Variants in FAIM2 observed in about 807,000 individuals in gnomAD.
The protein encoded by FAIM2 is protein lifeguard 2.
FAIM2 carries 27 observed loss-of-function variants against 47.4 expected under a neutral mutation model. The ratio of observed to expected loss-of-function variants is 0.57; its 90% CI spans 0.42 to 0.78. The LOEUF is 0.78. FAIM2 is among the 30% of genes least tolerant of loss of function. FAIM2 has a pLI of 0.00. For synonymous variants in FAIM2, 156 were observed against 159.3 expected (o/e 0.98, Z 0.16); for missense variants, 311 against 389.4 (o/e 0.80, Z 1.69).
chr12:49,892,530 T>G lies in FAIM2; in HGVS notation c.435-1416A>C, dbSNP rs921089296. ...ACAGGACCTTATTGAGTGCAGTGGA[T>G]GCTTGTCAGTCCTTATCTTGCCTGG... is the stretch of plus-strand genomic sequence containing the variant. On this transcript the variant is annotated intron_variant, in intron 5 of 11. Transcript: ENST00000320634. 2.6e-5 allele frequency among the ~76,000 whole-genome samples: 4 copies of G among 152,196 alleles called. No individual in the cohort carries two copies. In the East Asian group the frequency reaches 5.8e-4, roughly 22 times the overall value.
Position 49,897,509 on chromosome 12 carries a change from G to A in FAIM2, c.380+10C>T, listed in dbSNP as rs1343448882. ...TCCCTGGAAGGTGCTGGTCCATGCT[G>A]CCAACTCACCAGAAAGTAAAGAGAG... On this transcript the variant is annotated intron_variant, in intron 4 of 11. Coordinates refer to ENST00000320634, the MANE Select transcript of FAIM2 (RefSeq NM_012306.4). The A allele has an allele frequency of 1.9e-6, 3 of 1,613,358 alleles. No homozygotes were observed. The highest frequency in any genetic ancestry group is 2.2e-5 in the South Asian group (2 of 91,066).
Position 49,897,021 on chromosome 12 carries a change from A to G in FAIM2, c.434+10T>C. The G allele has an allele frequency of 1.2e-6, 2 of 1,608,122 alleles. No homozygotes were observed. Among genetic ancestry groups the G allele is most frequent in the Non-Finnish European group, 1.7e-6 (2 of 1,174,556 alleles). On this transcript the variant is annotated intron_variant, in intron 5 of 11. Transcript: ENST00000320634. ...CTCTGGAAGGGGACTGGGGACTGAG[A>G]TATACTCACTAGGATGCCCAGTACC...
intron 11 of FAIM2, among the ~76,000 whole-genome samples, chr12:49,885,640 C>T (rs1305004244): frequency 6.6e-6 from 1 of 152,136 alleles, no homozygotes; most frequent in African/African-American, 2.4e-5. Flanking sequence ...CCTAGGTAGC[C>T]TGGGGTAAGC....
chr12:49,893,306 G>A (rs775696934), intron 5 of FAIM2, among the ~76,000 whole-genome samples: 4 of 151,412 alleles, frequency 2.6e-5, no homozygotes, highest in Non-Finnish European at 5.9e-5. Context: ...CCCTGGAAAC[G>A]TGCCTGCCAC....
Position 49,870,425 on chromosome 12 carries a change from G to A in FAIM2, c.*79C>T, listed in dbSNP as rs1946693585. 3 of 1,343,260 alleles carry A rather than the reference G, an allele frequency of 2.2e-6. No homozygotes were observed. Among genetic ancestry groups the A allele is most frequent in the Non-Finnish European group, 3.1e-6 (3 of 953,302 alleles). The allele number at this position is 1,343,260 out of a possible 1,614,324, so 83.2% of individuals were successfully genotyped here. ...GGGTTGGCAGCTAGTTTTATATCTG[G>A]TCTCGCAGGAGCGCAGGGGAGGGAC... On this transcript the variant is annotated 3_prime_UTR_variant, in exon 12 of 12. Transcript: ENST00000320634.
At chr12:49,887,009 C>A (rs1336046675) in intron 11 of FAIM2, among the ~76,000 whole-genome samples, 1 of 152,170 alleles carries the variant, frequency 6.6e-6, no homozygotes, top group Non-Finnish European at 1.5e-5. Context: ...CTCCAAGAAG[C>A]CTTCCCTGAT....
At position 49,878,747 on chromosome 12, in the gene FAIM2, CAT is replaced by C. The variant is rs560491366; in HGVS notation, c.802-8096_802-8095del. ...GTCTGTGTGCATGTGAGTGTATATG[CAT>C]ATGTGTATATATTTATTTGTGTGCA... On this transcript the variant is annotated intron_variant, in intron 11 of 11. Transcript: ENST00000320634. Among the ~76,000 whole-genome samples the C allele has an allele frequency of 5.1e-3, 544 of 106,674 alleles. 29 individuals are homozygous for C. Among genetic ancestry groups the C allele is most frequent in the African/African-American group, 6.8e-3 (160 of 23,702 alleles). 70.0% of individuals were successfully genotyped at this position (106,674 alleles called of 152,430 possible). A position where few individuals can be genotyped will look rare whatever the true frequency, so the allele number is the denominator to read the frequency against.
intron 11 of FAIM2, among the ~76,000 whole-genome samples, chr12:49,879,061 T>C (rs1946774787): frequency 7.4e-6 from 1 of 134,780 alleles, no homozygotes; most frequent in African/African-American, 2.9e-5. Flanking sequence ...TATGTGCATG[T>C]ATGTATATGT....
intron 3 of FAIM2, 96 bp downstream of exon 3, chr12:49,897,891 G>A (rs1221419305): frequency 2.2e-6 from 2 of 930,008 alleles, no homozygotes; most frequent in African/African-American, 3.2e-5. Context: ...GAAGGGGGCA[G>A]GGATGGCTTC....
chr12:49,870,255 G>T lies in FAIM2; in HGVS notation c.*249C>A. On this transcript the variant is annotated 3_prime_UTR_variant, in exon 12 of 12. Coordinates refer to ENST00000320634, the MANE Select transcript of FAIM2 (RefSeq NM_012306.4). Reference sequence around the variant, plus strand: ...CAAACCCAGAGGAGCCTTCAGCCTTGACCGTCCCAGTTTGGAAGATGTAAC... The same window carrying T: ...CAAACCCAGAGGAGCCTTCAGCCTTTACCGTCCCAGTTTGGAAGATGTAAC... 2.4e-6 allele frequency: 1 copy of T among 409,548 alleles called. No individual in the cohort carries two copies. The allele number at this position is 409,548 out of a possible 1,614,324, so 25.4% of individuals were successfully genotyped here.
chr12:49,901,248 C>T lies in FAIM2; in HGVS notation c.93G>A (p.Val31=). The T allele has an allele frequency of 6.2e-7, 1 of 1,611,092 alleles. No homozygotes were observed. Among genetic ancestry groups the T allele is most frequent in the Non-Finnish European group, 8.5e-7 (1 of 1,178,826 alleles). Residue 31 remains valine (V), a synonymous_variant, in exon 2 of 12, where the codon GTG becomes GTA. Coordinates refer to ENST00000320634, the MANE Select transcript of FAIM2 (RefSeq NM_012306.4). ...CCTCATAGGAGGGTGGGGCTGAGGG[C>T]ACTGCTGGAGCCTCCTTCTTCTCGC... The part of the protein sequence containing the change: ...VHGEKKEAPA[V]PSAPPSYEEA...
chr12:49,887,357 A>G (rs1383151412), intron 11 of FAIM2, 29 bp downstream of exon 11: 2 of 1,596,918 alleles, frequency 1.3e-6, no homozygotes, highest in South Asian at 1.1e-5. Context: ...GCTGGGAAGG[A>G]GGCTGCCAAG....
In FAIM2 at chr12:49,874,666, G is replaced by A. The variant is rs1486142049; in HGVS notation, c.802-4013C>T. ...TGGAAAGGCCAGCTCAGAGCCACCC[G>A]CAGGCAGGCACTGAATACAAAAAGC... On this transcript the variant is annotated intron_variant, in intron 11 of 11. Transcript: ENST00000320634. The surrounding 1 kb of genome is among the most constrained non-coding windows in gnomAD (Gnocchi z 4.2). Among the ~76,000 whole-genome samples, 4 of 152,202 alleles carry A rather than the reference G, an allele frequency of 2.6e-5. No homozygotes were observed. Among genetic ancestry groups the A allele is most frequent in the African/African-American group, 7.2e-5 (3 of 41,432 alleles).
intron 11 of FAIM2, among the ~76,000 whole-genome samples, chr12:49,873,637 C>T (rs1946717226): frequency 6.6e-6 from 1 of 151,988 alleles, no homozygotes; most frequent in South Asian, 2.1e-4. Context: ...GGGGGTGGCC[C>T]TTCTGAGAAG....
intron 11 of FAIM2, among the ~76,000 whole-genome samples, chr12:49,886,576 C>T (rs576202846): frequency 6.6e-6 from 1 of 152,070 alleles, no homozygotes; most frequent in Non-Finnish European, 1.5e-5. Context: ...CCCGGGTTCA[C>T]ACCATTCTCC....
In FAIM2 at chr12:49,868,478, G is replaced by A. The variant is rs527790719; in HGVS notation, c.*2026C>T. ...GAAACCTCAGAGTGCAAAATCTGGC[G>A]AGGGGTTTCAGGAAAGACGGGAGGC... is the stretch of plus-strand genomic sequence containing the variant. On this transcript the variant is annotated 3_prime_UTR_variant, in exon 12 of 12. Coordinates refer to ENST00000320634, the MANE Select transcript of FAIM2 (RefSeq NM_012306.4). The A allele has an allele frequency of 2.6e-5, 4 of 152,352 alleles. No homozygotes were observed. Among genetic ancestry groups the A allele is most frequent in the Middle Eastern group, 6.7e-3 (2 of 298 alleles). The allele number at this position is 152,352 out of a possible 1,614,324, so 9.4% of individuals were successfully genotyped here.
intron 11 of FAIM2, 91 bp from the exon 12 acceptor site, chr12:49,870,744 C>G (rs74831625): frequency 7.6e-7 from 1 of 1,310,990 alleles, no homozygotes; most frequent in African/African-American, 1.5e-5. Flanking sequence ...TCAGCCCCAC[C>G]CCCAATTTTA....
In FAIM2 at chr12:49,889,584, C is replaced by T; in HGVS notation, c.564-16G>A. 1 of 1,611,374 alleles carries T rather than the reference C, an allele frequency of 6.2e-7. No individual in the cohort carries two copies. Among genetic ancestry groups the T allele is most frequent in the African/African-American group, 1.3e-5 (1 of 74,936 alleles). On this transcript the variant is annotated splice_polypyrimidine_tract_variant and intron_variant, in intron 8 of 11. Coordinates refer to ENST00000320634, the MANE Select transcript of FAIM2 (RefSeq NM_012306.4). ...GTTGTAGTAGCTGAGGACCGTCAGG[C>T]CGAGGGGTCAGCTCTCAGGCAGGGC...
intron 11 of FAIM2, among the ~76,000 whole-genome samples, chr12:49,873,388 G>T (rs1401977290): frequency 6.6e-6 from 1 of 152,098 alleles, no homozygotes; most frequent in Non-Finnish European, 1.5e-5. Flanking sequence ...TGCTCCTTCT[G>T]TGTTTGATTT....
Sources: allele counts gnomAD v4.1 joint callset (sites outside exome capture counted in the v4.1 genomes callset), GRCh38; gene constraint gnomAD v4.1.1; non-coding constraint Gnocchi (gnomAD v3.1); transcripts MANE v1.5; gene names NCBI Gene and HGNC (gene_info 2026-07-23, HGNC 2026-07-21).